The following MDN1 variants were observed in gnomAD, a reference collection of about 807,000 sequenced individuals.
MDN1 encodes midasin.
Under a neutral mutation model 669.2 loss-of-function variants are expected in MDN1, and 266 were observed. The observed-to-expected ratio is 0.40, with a 90% CI of 0.36 to 0.44. The LOEUF (loss-of-function observed/expected upper bound fraction) is 0.44. Among genes scored for constraint, MDN1 ranks in the 20% least tolerant of loss-of-function variants. The pLI, the probability that MDN1 is intolerant of heterozygous loss-of-function variation, is 1.00. For synonymous variants in MDN1, 2,385 were observed against 2,457.1 expected, an observed-to-expected ratio of 0.97 and a Z score of 0.87; for missense variants, 5,940 against 6,754.0, an observed-to-expected ratio of 0.88 and a Z score of 4.22.
chr6:89,716,990 A>G (rs1300710169), intron 43 of MDN1, among the ~76,000 whole-genome samples, 181 bp from the exon 44 acceptor site: 4 of 152,230 alleles, frequency 2.6e-5, no homozygotes, highest in Non-Finnish European at 5.9e-5. Context: ...AAGACAGAAA[A>G]TACGTTTTAA....
At chr6:89,745,675 C>G (rs777285898) in intron 27 of MDN1, 49 bp from the exon 28 acceptor site, 1 of 1,564,110 alleles carries the variant, frequency 6.4e-7, no homozygotes, top group Non-Finnish European at 8.8e-7. Flanking sequence ...AAGTGTCTAC[C>G]GGGAACACCA....
At chr6:89,749,895 T>G in intron 24 of MDN1, 144 bp from the exon 25 acceptor site, 4 of 668,542 alleles carry the variant, frequency 6.0e-6, no homozygotes, top group African/African-American at 1.8e-5. Flanking sequence ...CAAAACAAAT[T>G]ATGACACTGC....
chr6:89,738,556 A>G (rs1413558919), intron 32 of MDN1, 101 bp from the exon 33 acceptor site: 5 of 1,245,366 alleles, frequency 4.0e-6, no homozygotes, highest in Middle Eastern at 2.1e-4. Context: ...TCCAGCAAAT[A>G]CTACACACTT....
At chr6:89,756,535 G>A (rs1010578907) in intron 19 of MDN1, 145 bp from the exon 20 acceptor site, 4 of 513,196 alleles carry the variant, frequency 7.8e-6, no homozygotes, top group Non-Finnish European at 1.4e-5. Context: ...TAGAAACTTA[G>A]CATAATTAAA....
chr6:89,675,696 A>G, intron 77 of MDN1, 117 bp from the exon 78 acceptor site: 1 of 754,078 alleles, frequency 1.3e-6, no homozygotes, highest in Non-Finnish European at 2.2e-6. Flanking sequence ...TAGAGGTGAC[A>G]TATTCATTTT....
intron 97 of MDN1, among the ~76,000 whole-genome samples, 174 bp from the exon 98 acceptor site, chr6:89,648,503 G>A (rs1808630554): frequency 6.6e-6 from 1 of 152,142 alleles, no homozygotes; most frequent in African/African-American, 2.4e-5. Flanking sequence ...TTGGTGGCCT[G>A]GTACCACAAA....
At chr6:89,646,699 T>G (rs1396763415) in intron 99 of MDN1, 96 bp from the exon 100 acceptor site, 1 of 1,065,800 alleles carries the variant, frequency 9.4e-7, no homozygotes, top group Admixed American at 1.9e-5. Context: ...GAAGTGATTA[T>G]CAGATAACCA....
chr6:89,702,962 G>A (rs1225976293), intron 53 of MDN1, among the ~76,000 whole-genome samples: 4 of 146,918 alleles, frequency 2.7e-5, no homozygotes, highest in African/African-American at 5.0e-5. Flanking sequence ...TTGAGACAGC[G>A]TCTTGCTCCA....
At chr6:89,765,091 C>T (rs1298285251) in intron 15 of MDN1, among the ~76,000 whole-genome samples, 1 of 152,098 alleles carries the variant, frequency 6.6e-6, no homozygotes, top group Non-Finnish European at 1.5e-5. Flanking sequence ...CCCATCTCTA[C>T]TAAAAATACA....
chr6:89,802,557 C>T lies in MDN1; in HGVS notation c.329+771G>A, dbSNP rs565359456. On this transcript the variant is annotated intron_variant, in intron 2 of 101. Coordinates refer to ENST00000369393, the MANE Select transcript of MDN1 (RefSeq NM_014611.3). ...AATTAGCTGGGCGTGGTGGTGTGCG[C>T]GCCTGTAGTCCCAGCTACTCAGGAG... Among the ~76,000 whole-genome samples the T allele has an allele frequency of 1.6e-4, 24 of 152,092 alleles. No individual in the cohort carries two copies. In the South Asian group the frequency reaches 4.8e-3, roughly 30 times the overall value.
At chr6:89,674,937 C>T (rs947582892) in intron 78 of MDN1, among the ~76,000 whole-genome samples, 1 of 152,230 alleles carries the variant, frequency 6.6e-6, no homozygotes, top group Non-Finnish European at 1.5e-5. Context: ...CCTTCAGCCA[C>T]GAATCCATTC....
At chr6:89,728,020 C>T (rs1815347983) in intron 36 of MDN1, 65 bp from the exon 37 acceptor site, 4 of 1,519,234 alleles carry the variant, frequency 2.6e-6, no homozygotes, top group Non-Finnish European at 3.6e-6. Context: ...ATTCTAACAC[C>T]CTAAATCTGA....
At chr6:89,746,605 AAAAAAAAAAGAAAGAAAG>A (rs1562172807) in intron 27 of MDN1, among the ~76,000 whole-genome samples, 3 of 79,806 alleles carry the variant, frequency 3.8e-5, no homozygotes, top group Non-Finnish European at 5.1e-5. Context: ...AAAAAAAAAA[AAAAAAAAAAGAAAGAAAG>A]AAAGAAAGAA....
At chr6:89,801,531 G>A (rs1451925462) in intron 2 of MDN1, among the ~76,000 whole-genome samples, 3 of 152,094 alleles carry the variant, frequency 2.0e-5, no homozygotes, top group South Asian at 4.1e-4. Context: ...CGCACCTGTA[G>A]TCCCAGCTAC....
intron 1 of MDN1, among the ~76,000 whole-genome samples, chr6:89,817,765 T>A (rs375523428): frequency 6.6e-6 from 1 of 152,196 alleles, no homozygotes; most frequent in Non-Finnish European, 1.5e-5. Context: ...TAGCAAGCCC[T>A]GAGCAGAAAG....
intron 9 of MDN1, among the ~76,000 whole-genome samples, chr6:89,782,843 C>G (rs1400536278): frequency 1.3e-5 from 2 of 152,028 alleles, no homozygotes; most frequent in African/African-American, 4.8e-5. Context: ...AATGGAGGGA[C>G]CAGCTGGAGC....
At chr6:89,788,420 C>T (rs1819081506) in intron 7 of MDN1, among the ~76,000 whole-genome samples, 1 of 152,140 alleles carries the variant, frequency 6.6e-6, no homozygotes, top group Admixed American at 6.5e-5. Flanking sequence ...AGAAATTAAC[C>T]AGGTTTGGTG....
chr6:89,695,648 G>C lies in MDN1; in HGVS notation c.9728C>G (p.Pro3243Arg). 2 of 1,610,452 alleles carry C rather than the reference G, an allele frequency of 1.2e-6. No individual in the cohort carries two copies. Among genetic ancestry groups the C allele is most frequent in the Non-Finnish European group, 1.7e-6 (2 of 1,177,562 alleles). ...QTWLPQARFD[P>R]AVKREYKLNY... is the part of the protein sequence containing the mutation. ...GAGCTTGTACTCCCTCTTCACCGCA[G>C]GGTCAAAGCGTGCCTGGGGAAGCCA... Residue 3243 changes from proline to arginine, a missense_variant, in exon 61 of 102, where the codon CCT becomes CGT. Physicochemically the swap from Pro to Arg is moderately radical, Grantham distance 103. Around this residue, in one of 5 missense-constraint regions of MDN1, gnomAD observed 2,292 missense variants for 2,638.3 expected, o/e 0.87. Coordinates refer to ENST00000369393, the MANE Select transcript of MDN1 (RefSeq NM_014611.3). The surrounding 1 kb of genome is among the most constrained non-coding windows in gnomAD (Gnocchi z 4.1).
chr6:89,655,939 G>C lies in MDN1; in HGVS notation c.15315C>G (p.Asp5105Glu). 6.2e-7 allele frequency: 1 copy of C among 1,613,976 alleles called. No individual in the cohort carries two copies. Among genetic ancestry groups the C allele is most frequent in the South Asian group, 1.1e-5 (1 of 91,074 alleles). ...QSFKRKPGQA[D>E]NERSMGDHNE... The stretch of plus-strand genomic sequence containing the variant: ...TGTGATCACCCATGGAACGTTCATT[G>C]TCAGCCTGCCCAGGTTTCCTCTTAA... The change falls in exon 92 of 102, where the codon GAC becomes GAG. Residue 5105 changes from aspartate (D) to glutamate (E), a missense_variant. Physicochemically the swap from Asp to Glu is conservative, Grantham distance 45. Transcript: ENST00000369393.
Sources: gnomAD v4.1 joint callset for allele counts (sites outside exome capture counted in the v4.1 genomes callset) on GRCh38, gnomAD v4.1.1 for gene constraint, gnomAD v4.1.1 regional missense constraint, Gnocchi (gnomAD v3.1) non-coding constraint, MANE v1.5 for transcripts, NCBI Gene and HGNC (gene_info 2026-07-23, HGNC 2026-07-21) for gene names.